The following FBXW7 variants were observed in gnomAD, a reference collection of about 807,000 sequenced individuals.
FBXW7 encodes F-box and WD repeat domain containing 7, also known as F-box/WD repeat-containing protein 7.
Under a neutral mutation model 86.3 loss-of-function variants are expected in FBXW7, and 11 were observed. The observed-to-expected ratio is 0.13, with a 90% confidence interval of 0.08 to 0.21. FBXW7 has a LOEUF of 0.21. Ranked by LOEUF, FBXW7 falls within the 10% of genes least tolerant of loss-of-function variation. FBXW7 has a pLI of 1.00. For synonymous variants in FBXW7, 313 were observed against 297.9 expected (o/e 1.05, Z -0.52); for missense variants, 488 against 847.4 (o/e 0.58, Z 5.27).
chr4:152,472,973 A>G (rs921396335), intron 2 of FBXW7, among the ~76,000 whole-genome samples: 2 of 152,226 alleles, frequency 1.3e-5, no homozygotes, highest in Admixed American at 1.3e-4. Flanking sequence ...TATAAATTTT[A>G]CCAGCAAGGG....
chr4:152,418,127 C>CCACACA (rs3047865), intron 2 of FBXW7, among the ~76,000 whole-genome samples: 1,462 of 143,916 alleles, frequency 0.01, 18 homozygotes, highest in Middle Eastern at 0.029. Context: ...ACAGCTCTTA[C>CCACACA]CACACACACA....
intron 3 of FBXW7, 58 bp downstream of exon 3, chr4:152,412,422 T>G (rs1217737357): frequency 6.6e-6 from 1 of 151,732 alleles, no homozygotes; most frequent in African/African-American, 2.4e-5. Context: ...TTTTTACAAA[T>G]GACTGGACAG....
intron 2 of FBXW7, among the ~76,000 whole-genome samples, chr4:152,508,943 T>C (rs1747705019): frequency 6.6e-6 from 1 of 152,174 alleles, no homozygotes; most frequent in Admixed American, 6.5e-5. Context: ...ATAAGATTCA[T>C]AAAATCATTT....
chr4:152,337,590 G>A lies in FBXW7; in HGVS notation c.861+212C>T, dbSNP rs556621125. 3.0e-4 allele frequency: 129 copies of A among 433,714 alleles called. 1 individual carries two copies. The highest frequency in any genetic ancestry group is 2.5e-3 in the African/African-American group (124 of 49,904). The allele number at this position is 433,714 out of a possible 1,614,324, so 26.9% of individuals were successfully genotyped here. ...ATATGACTTATTCAAATAGTGGAAA[G>A]GAGTTACTTAGTTCACATGCATTCT... On this transcript the variant is annotated intron_variant, in intron 7 of 13. Transcript: ENST00000281708.
intron 2 of FBXW7, among the ~76,000 whole-genome samples, chr4:152,423,543 C>T (rs543778976): frequency 6.6e-6 from 1 of 152,232 alleles, no homozygotes; most frequent in South Asian, 2.1e-4. Context: ...ATTTTGGTGC[C>T]TATCAGTGGT....
chr4:152,403,871 G>A (rs903790143), intron 4 of FBXW7, among the ~76,000 whole-genome samples: 4 of 152,096 alleles, frequency 2.6e-5, no homozygotes, highest in South Asian at 2.1e-4. Flanking sequence ...GAAATTGCTC[G>A]GAGAACGGTT....
chr4:152,385,646 T>C (rs962351138), intron 4 of FBXW7, among the ~76,000 whole-genome samples: 1 of 151,960 alleles, frequency 6.6e-6, no homozygotes, highest in African/African-American at 2.4e-5. Context: ...AAACAAAACA[T>C]AAGTGAACAC....
intron 2 of FBXW7, among the ~76,000 whole-genome samples, chr4:152,493,488 T>C (rs984266533): frequency 1.3e-5 from 2 of 152,166 alleles, no homozygotes; most frequent in Non-Finnish European, 2.9e-5. Context: ...CAAAACTGTT[T>C]AAACCTGCTA....
At chr4:152,344,719 A>C (rs1037409027) in intron 6 of FBXW7, among the ~76,000 whole-genome samples, 6 of 152,152 alleles carry the variant, frequency 3.9e-5, no homozygotes, top group African/African-American at 1.4e-4. Flanking sequence ...AATAAAGCTG[A>C]AATGCCTCTT....
intron 4 of FBXW7, among the ~76,000 whole-genome samples, chr4:152,409,897 A>G (rs1039179504): frequency 1.3e-5 from 2 of 152,176 alleles, no homozygotes; most frequent in African/African-American, 4.8e-5. Flanking sequence ...ATCACTAGAA[A>G]AAAACTAACA....
At chr4:152,362,889 A>G (rs1733121155) in intron 4 of FBXW7, among the ~76,000 whole-genome samples, 2 of 151,816 alleles carry the variant, frequency 1.3e-5, no homozygotes, top group Non-Finnish European at 2.9e-5. Context: ...AAGATAAATG[A>G]AGATATGTTA....
At chr4:152,381,071 A>C (rs1478450963) in intron 4 of FBXW7, among the ~76,000 whole-genome samples, 1 of 152,134 alleles carries the variant, frequency 6.6e-6, no homozygotes, top group Non-Finnish European at 1.5e-5. Context: ...TTCGATGTTT[A>C]AACTGTATTA....
intron 2 of FBXW7, among the ~76,000 whole-genome samples, chr4:152,416,792 C>G (rs978298190): frequency 6.6e-6 from 1 of 152,126 alleles, no homozygotes; most frequent in Non-Finnish European, 1.5e-5. Context: ...ATTCCTCAGT[C>G]CACATGACAA....
intron 2 of FBXW7, among the ~76,000 whole-genome samples, chr4:152,432,929 A>G (rs1372458057): frequency 1.3e-5 from 2 of 152,150 alleles, no homozygotes; most frequent in Non-Finnish European, 2.9e-5. Flanking sequence ...CCATCAGTGC[A>G]GATTAGTTTT....
chr4:152,407,683 C>T (rs534705869), intron 4 of FBXW7, among the ~76,000 whole-genome samples: 4 of 152,238 alleles, frequency 2.6e-5, no homozygotes, highest in South Asian at 2.1e-4. Context: ...AAGGGTCTTA[C>T]GCCTCTAAAC....
chr4:152,331,272 T>C (rs1028667115), intron 8 of FBXW7, among the ~76,000 whole-genome samples: 1 of 152,002 alleles, frequency 6.6e-6, no homozygotes, highest in African/African-American at 2.4e-5. Context: ...CAAACAGTCA[T>C]CTGTACACCC....
At chr4:152,332,560 G>C (rs374613278) in intron 8 of FBXW7, 36 bp downstream of exon 8, 2 of 1,487,986 alleles carry the variant, frequency 1.3e-6, no homozygotes, top group Non-Finnish European at 1.8e-6. Flanking sequence ...GCTTTTCAAA[G>C]TATAAACATA....
rs564282085 is a variant in FBXW7 at position 152,340,369 on chromosome 4, A to C, written c.727-2433T>G. Among the ~76,000 whole-genome samples the C allele has an allele frequency of 2.1e-4, 32 of 152,146 alleles. No homozygotes were observed. The East Asian group carries it at 5.6e-3, about 27-fold the overall frequency. ...AAGGCAGGCAGATCATGAGGTCAGG[A>C]GATCGAGACCATCCTGGCTAACATG... On this transcript the variant is annotated intron_variant, in intron 6 of 13. Transcript: ENST00000281708.
intron 2 of FBXW7, among the ~76,000 whole-genome samples, chr4:152,433,757 C>T (rs1030875089): frequency 1.3e-5 from 2 of 151,990 alleles, no homozygotes; most frequent in African/African-American, 4.8e-5. Flanking sequence ...ATATCCATAA[C>T]AATTTAAAAT....
Sources: gnomAD v4.1 joint callset for allele counts (sites outside exome capture counted in the v4.1 genomes callset) on GRCh38, gnomAD v4.1.1 for gene constraint, MANE v1.5 for transcripts, NCBI Gene and HGNC (gene_info 2026-07-23, HGNC 2026-07-21) for gene names.